HIVEP3: variants seen among roughly 807,000 people sequenced by gnomAD.
HIVEP3 encodes transcription factor HIVEP3.
A neutral mutation model predicts 152.8 loss-of-function variants in HIVEP3; 49 were observed. The ratio of observed to expected loss-of-function variants is 0.32; its 90% CI spans 0.26 to 0.41. The LOEUF (loss-of-function observed/expected upper bound fraction) is 0.41. Ranked by LOEUF, HIVEP3 falls within the 10% of genes least tolerant of loss-of-function variation. HIVEP3 has a pLI of 1.00. For missense variants in HIVEP3, 2,790 were observed against 3,103.3 expected (o/e 0.90, Z 2.40); for synonymous variants, 1,269 against 1,289.0 (o/e 0.98, Z 0.33).
At position 41,510,359 on chromosome 1, in the gene HIVEP3, G is replaced by A; in HGVS notation, c.*92C>T. On this transcript the variant is annotated 3_prime_UTR_variant, in exon 9 of 9. Coordinates refer to ENST00000372583, the MANE Select transcript of HIVEP3 (RefSeq NM_024503.5). The stretch of plus-strand genomic sequence containing the variant: ...AGAGCTCCTGGACGGAGGGACAGAT[G>A]GGGCTGAGGAAGTGGGATGATTCGA... The A allele has an allele frequency of 8.7e-7, 1 of 1,145,964 alleles. No individual in the cohort carries two copies. The highest frequency in any genetic ancestry group is 3.6e-5 in the Admixed American group (1 of 27,788). 71.0% of individuals were successfully genotyped at this position (1,145,964 alleles called of 1,614,324 possible). A position where few individuals can be genotyped will look rare whatever the true frequency, so the allele number is the denominator to read the frequency against.
In HIVEP3 at chr1:41,764,188, A is replaced by G. The variant is rs79873716; in HGVS notation, c.-800-63193T>C. Among the ~76,000 whole-genome samples the G allele has an allele frequency of 6.6e-3, 1,009 of 152,278 alleles. 52 individuals are homozygous for G. In the East Asian group the frequency reaches 0.12, roughly 19 times the overall value. On this transcript the variant is annotated intron_variant, in intron 1 of 8. Coordinates refer to ENST00000372583, the MANE Select transcript of HIVEP3 (RefSeq NM_024503.5). ...GGGAATGTGCACAAAACTGAAAAAA[A>G]ATGAGGGGAGCCAATGAGGATTGCT...
intron 1 of HIVEP3, among the ~76,000 whole-genome samples, chr1:41,856,611 G>A (rs1018598767): frequency 3.9e-5 from 6 of 152,142 alleles, no homozygotes; most frequent in African/African-American, 7.2e-5. Context: ...CACAAATTCC[G>A]CACTCCCTCC....
chr1:41,519,699 C>T (rs184347827), intron 6 of HIVEP3, among the ~76,000 whole-genome samples: 1 of 151,890 alleles, frequency 6.6e-6, no homozygotes, highest in Non-Finnish European at 1.5e-5. Flanking sequence ...ATGAATAGAG[C>T]GATTGGTGCG....
intron 1 of HIVEP3, among the ~76,000 whole-genome samples, chr1:42,016,145 A>G (rs900224516): frequency 6.6e-6 from 1 of 152,226 alleles, no homozygotes; most frequent in Non-Finnish European, 1.5e-5. Context: ...ATATTTGTAT[A>G]TACACATACA....
At chr1:41,525,831 A>C (rs1279609475) in intron 5 of HIVEP3, among the ~76,000 whole-genome samples, 7 of 152,276 alleles carry the variant, frequency 4.6e-5, no homozygotes. Context: ...TGCAAGTCTC[A>C]GATGCGGTGG....
rs1437763030 is a variant in HIVEP3, at chr1:41,939,833, A to G, written n.120-21309T>C. Among the ~76,000 whole-genome samples the G allele has an allele frequency of 2.0e-5, 3 of 152,190 alleles. No homozygotes were observed. The East Asian group carries it at 5.8e-4, about 29-fold the overall frequency. ...AGTACTTGCCTGAGTTATTAAGGTT[A>G]TTAAGCTAAATATATGTCTTCCCTC... On this transcript the variant is annotated intron_variant and non_coding_transcript_variant, in intron 1 of 3. Coordinates refer to the HIVEP3 transcript ENST00000489103.
chr1:41,884,703 T>A (rs1261505329), intron 1 of HIVEP3, among the ~76,000 whole-genome samples: 1 of 152,234 alleles, frequency 6.6e-6, no homozygotes, highest in Non-Finnish European at 1.5e-5. Context: ...GAGAGAGATT[T>A]AGCTTGTGCT....
At chr1:41,832,908 A>AGGGGTCT (rs1283653485) in intron 1 of HIVEP3, among the ~76,000 whole-genome samples, 2 of 152,166 alleles carry the variant, frequency 1.3e-5, no homozygotes. Flanking sequence ...CCTCCCACAT[A>AGGGGTCT]GGGGTCTGGC....
intron 1 of HIVEP3, among the ~76,000 whole-genome samples, chr1:41,838,431 C>T (rs911127419): frequency 6.6e-6 from 1 of 152,154 alleles, no homozygotes; most frequent in African/African-American, 2.4e-5. Context: ...CTTCTTTCCA[C>T]ACTTTCAGAC....
chr1:41,741,344 C>T (rs2124206026), intron 1 of HIVEP3, among the ~76,000 whole-genome samples: 1 of 152,316 alleles, frequency 6.6e-6, no homozygotes. Flanking sequence ...ATCTGCTTCC[C>T]ACCTTTGCAT....
In HIVEP3 at chr1:41,579,874, C is replaced by A. The variant is rs1046825826; in HGVS notation, c.4924G>T (p.Val1642Phe). 6.2e-7 allele frequency: 1 copy of A among 1,614,210 alleles called. No homozygotes were observed. Among genetic ancestry groups the A allele is most frequent in the Non-Finnish European group, 8.5e-7 (1 of 1,180,034 alleles). ...AGGGACAAAGCAGCTTTAGTGGAAA[C>A]CCCCGGAAGGTTGGGGTTGTACAAA... is the stretch of plus-strand genomic sequence containing the variant. ...ISLYNPNLPG[V>F]STKAALSLLR... Residue 1642 changes from valine (V) to phenylalanine (F), a missense_variant, in exon 4 of 9, where the codon GTT (valine) becomes TTT (phenylalanine). Coordinates refer to ENST00000372583, the MANE Select transcript of HIVEP3 (RefSeq NM_024503.5).
At chr1:41,526,545 A>C (rs1325808635) in intron 5 of HIVEP3, among the ~76,000 whole-genome samples, 11 of 52,894 alleles carry the variant, frequency 2.1e-4, no homozygotes, top group Non-Finnish European at 2.7e-4. Context: ...ACACCCCCAC[A>C]CTCACCCTCA....
chr1:41,631,735 G>A (rs1306896507), intron 2 of HIVEP3, among the ~76,000 whole-genome samples: 5 of 152,062 alleles, frequency 3.3e-5, no homozygotes, highest in Admixed American at 6.5e-5. Flanking sequence ...TCTGCCGTCC[G>A]AACCAGCCCA....
chr1:41,674,650 C>T (rs905603615), intron 2 of HIVEP3, among the ~76,000 whole-genome samples: 5 of 152,174 alleles, frequency 3.3e-5, no homozygotes, highest in Non-Finnish European at 7.3e-5. Flanking sequence ...TGTCCTTTGT[C>T]CAGGGTTATC....
chr1:41,667,474 G>A (rs1196906162), intron 2 of HIVEP3, among the ~76,000 whole-genome samples: 1 of 152,244 alleles, frequency 6.6e-6, no homozygotes, highest in Non-Finnish European at 1.5e-5. Flanking sequence ...GGAAGGCGGG[G>A]CCTTCAGTTC....
chr1:41,510,517 G>C lies in HIVEP3; in HGVS notation c.7155C>G (p.Pro2385=), dbSNP rs1644434488. The change falls in exon 9 of 9, where the codon CCC becomes CCG. Residue 2385 remains proline, a synonymous_variant. Coordinates refer to ENST00000372583, the MANE Select transcript of HIVEP3 (RefSeq NM_024503.5). The stretch of plus-strand genomic sequence containing the variant: ...GTGCCCTGGGCTCCCCACTTCCTGA[G>C]GGCTTGGGGGAGTCCTGCCTGGTCC... ...EPRTRQDSPK[P]SGSGEPRAHP... The C allele has an allele frequency of 6.3e-7, 1 of 1,594,830 alleles. No homozygotes were observed. Among genetic ancestry groups the C allele is most frequent in the African/African-American group, 1.3e-5 (1 of 74,442 alleles).
rs1020281942 is a variant in HIVEP3, at chr1:41,626,318, A to G, written c.-522+2431T>C. On this transcript the variant is annotated intron_variant, in intron 3 of 8. Coordinates refer to ENST00000372583, the MANE Select transcript of HIVEP3 (RefSeq NM_024503.5). ...TGATCACCTGGACTCCAGCAGCACC[A>G]AGTCAGCACCTCATTAATCACAGGC... Among the ~76,000 whole-genome samples the G allele has an allele frequency of 4.6e-5, 7 of 152,352 alleles. No homozygotes were observed. In the East Asian group the frequency reaches 1.3e-3, roughly 29 times the overall value.
At chr1:41,702,442 G>A (rs766890687) in intron 1 of HIVEP3, among the ~76,000 whole-genome samples, 7 of 152,060 alleles carry the variant, frequency 4.6e-5, no homozygotes, top group African/African-American at 7.2e-5. Context: ...TCAGAGTTGC[G>A]TGAACTTAGG....
In HIVEP3 at chr1:41,509,828, A is replaced by G. The variant is rs1237384903; in HGVS notation, c.*623T>C. ...GTATCATTTTATTTTCTTGCAAAAA[A>G]AAAAAAAAAAAAAAAAAAGGAAAAG... On this transcript the variant is annotated 3_prime_UTR_variant, in exon 9 of 9. Coordinates refer to ENST00000372583, the MANE Select transcript of HIVEP3 (RefSeq NM_024503.5). 6.8e-6 allele frequency: 1 copy of G among 147,992 alleles called. No homozygotes were observed. Among genetic ancestry groups the G allele is most frequent in the African/African-American group, 2.5e-5 (1 of 40,412 alleles). The allele number at this position is 147,992 out of a possible 1,614,324, so 9.2% of individuals were successfully genotyped here. A position where few individuals can be genotyped will look rare whatever the true frequency, so the allele number is the denominator to read the frequency against.
Sources: allele counts gnomAD v4.1 joint callset (sites outside exome capture counted in the v4.1 genomes callset), GRCh38; gene constraint gnomAD v4.1.1; transcripts MANE v1.5; gene names NCBI Gene and HGNC (gene_info 2026-07-23, HGNC 2026-07-21).